NUAK1: variants seen among roughly 807,000 people sequenced by gnomAD.
NUAK1 encodes NUAK family SNF1-like kinase 1.
In NUAK1, 26 loss-of-function variants were observed where a neutral mutation model predicts 56.9. That is an observed-to-expected ratio of 0.46 (90% confidence interval 0.33 to 0.63). The LOEUF (loss-of-function observed/expected upper bound fraction) is 0.63. NUAK1 is among the 30% of genes least tolerant of loss of function. The probability of loss-of-function intolerance (pLI) is 0.02; values close to 1 mark genes in which losing one functional copy is unlikely to be tolerated. For missense variants in NUAK1, 727 were observed against 876.1 expected (o/e 0.83, Z 2.15); for synonymous variants, 337 against 336.0 (o/e 1.00, Z -0.03).
At chr12:106,083,838 A>G in intron 4 of NUAK1, 26 bp downstream of exon 4, 1 of 1,609,248 alleles carries the variant, frequency 6.2e-7, no homozygotes, top group South Asian at 1.1e-5. Context: ...GGCCCTGCAT[A>G]TCAATCGACG....
At chr12:106,108,464 C>T (rs779160592) in intron 1 of NUAK1, among the ~76,000 whole-genome samples, 8 of 152,074 alleles carry the variant, frequency 5.3e-5, no homozygotes, top group Non-Finnish European at 1.2e-4. Flanking sequence ...CAAGTCCTCA[C>T]CACAGCCCCA....
At chr12:106,122,848 G>A (rs2136480502) in intron 1 of NUAK1, among the ~76,000 whole-genome samples, 1 of 152,288 alleles carries the variant, frequency 6.6e-6, no homozygotes, top group Middle Eastern at 3.4e-3. Flanking sequence ...ATTTTAACAG[G>A]TGCACCTAGG....
chr12:106,078,735 G>C (rs2032486931), intron 4 of NUAK1, among the ~76,000 whole-genome samples: 1 of 152,170 alleles, frequency 6.6e-6, no homozygotes, highest in South Asian at 2.1e-4. Flanking sequence ...ATTCCCACCA[G>C]GAACAATGTG....
chr12:106,120,377 G>A (rs560776771), intron 1 of NUAK1, among the ~76,000 whole-genome samples: 15 of 152,304 alleles, frequency 9.8e-5, no homozygotes, highest in African/African-American at 3.6e-4. Flanking sequence ...CCAACATCCA[G>A]TATATGCTCC....
intron 4 of NUAK1, among the ~76,000 whole-genome samples, chr12:106,078,423 C>T (rs17038085): frequency 0.16 from 24,549 of 152,190 alleles, 2,520 homozygotes; most frequent in East Asian, 0.39. Flanking sequence ...CCTGAGACAT[C>T]GGTGAACAGC....
rs1264131986 is a variant in NUAK1, at chr12:106,064,768, T to G, written c.*2034A>C. On this transcript the variant is annotated 3_prime_UTR_variant, in exon 7 of 7. Coordinates refer to ENST00000261402, the MANE Select transcript of NUAK1 (RefSeq NM_014840.3). ...GAAGTAGGGAGCTCAGAGTTGCAGG[T>G]TGTCCTCCATGCACCCACACCCCCA... 1 of 151,408 alleles carries G rather than the reference T, an allele frequency of 6.6e-6. No individual in the cohort carries two copies. The highest frequency in any genetic ancestry group is 1.5e-5 in the Non-Finnish European group (1 of 67,940). The allele number at this position is 151,408 out of a possible 1,614,324, so 9.4% of individuals were successfully genotyped here.
intron 2 of NUAK1, among the ~76,000 whole-genome samples, chr12:106,087,231 A>C (rs912578343): frequency 6.6e-6 from 1 of 152,086 alleles, no homozygotes; most frequent in Non-Finnish European, 1.5e-5. Flanking sequence ...AACAAACACA[A>C]CCAATAATTT....
At chr12:106,083,950 G>A (rs766820578) in intron 3 of NUAK1, 21 bp from the exon 4 acceptor site, 1 of 1,609,918 alleles carries the variant, frequency 6.2e-7, no homozygotes, top group Non-Finnish European at 8.5e-7. Flanking sequence ...AAGACAAAGA[G>A]GGAATTGAAT....
intron 2 of NUAK1, among the ~76,000 whole-genome samples, chr12:106,092,035 C>CA (rs919079941): frequency 6.6e-6 from 1 of 151,624 alleles, no homozygotes; most frequent in African/African-American, 2.4e-5. Context: ...ATCTCTAAAA[C>CA]AAAAAATAAA....
rs567863434 is a variant in NUAK1 at position 106,126,772 on chromosome 12, G to T, written c.240+11642C>A. Among the ~76,000 whole-genome samples, 3 of 152,204 alleles carry T rather than the reference G, an allele frequency of 2.0e-5. No individual in the cohort carries two copies. The East Asian group carries it at 5.8e-4, about 29-fold the overall frequency. On this transcript the variant is annotated intron_variant, in intron 1 of 6. Coordinates refer to ENST00000261402, the MANE Select transcript of NUAK1 (RefSeq NM_014840.3). Reference sequence around the variant, plus strand: ...TGCCTCTAGCCTACCTGTCATCCAGGATCAAGAAGCCAAGCTCTCCTGGGT... The same window carrying T: ...TGCCTCTAGCCTACCTGTCATCCAGTATCAAGAAGCCAAGCTCTCCTGGGT...
At chr12:106,089,727 T>G (rs570386473) in intron 2 of NUAK1, among the ~76,000 whole-genome samples, 1 of 151,302 alleles carries the variant, frequency 6.6e-6, no homozygotes, top group African/African-American at 2.4e-5. Flanking sequence ...AGGTGGAGGT[T>G]GCAGTGAGCC....
At chr12:106,113,584 G>A (rs1456093360) in intron 1 of NUAK1, among the ~76,000 whole-genome samples, 2 of 151,534 alleles carry the variant, frequency 1.3e-5, no homozygotes, top group Non-Finnish European at 2.9e-5. Flanking sequence ...GCTGCACTCT[G>A]AGGTTTGAGA....
rs1463569133 is a variant in NUAK1 at position 106,067,969 on chromosome 12, G to T, written c.833-14C>A. 6.3e-7 allele frequency: 1 copy of T among 1,584,604 alleles called. No individual in the cohort carries two copies. The highest frequency in any genetic ancestry group is 1.2e-5 in the South Asian group (1 of 86,690). On this transcript the variant is annotated splice_polypyrimidine_tract_variant and intron_variant, in intron 6 of 6. Coordinates refer to ENST00000261402, the MANE Select transcript of NUAK1 (RefSeq NM_014840.3). The surrounding 1 kb of genome is among the most constrained non-coding windows in gnomAD (Gnocchi z 6.0). ...GTCCTCGAGCATCTAAGGGACAAGG[G>T]ACAAAAAGAATCGGGCATTATGTGG...
At chr12:106,114,237 A>G (rs79874122) in intron 1 of NUAK1, among the ~76,000 whole-genome samples, 3 of 152,336 alleles carry the variant, frequency 2.0e-5, no homozygotes, top group East Asian at 3.9e-4. Flanking sequence ...AGGTTGTGCA[A>G]CTTTTATTTA....
intron 2 of NUAK1, among the ~76,000 whole-genome samples, chr12:106,096,996 G>A (rs984932699): frequency 6.6e-6 from 1 of 152,098 alleles, no homozygotes; most frequent in African/African-American, 2.4e-5. Context: ...CCAATCTCCC[G>A]ACAGAAGTTT....
chr12:106,076,233 G>A (rs932256984), intron 4 of NUAK1, among the ~76,000 whole-genome samples: 2 of 152,208 alleles, frequency 1.3e-5, no homozygotes, highest in Non-Finnish European at 2.9e-5. Context: ...TGAAGCAGCT[G>A]AAGGTTCCAG....
chr12:106,103,678 C>T (rs1374957143), intron 2 of NUAK1, among the ~76,000 whole-genome samples: 1 of 152,156 alleles, frequency 6.6e-6, no homozygotes, highest in Non-Finnish European at 1.5e-5. Flanking sequence ...GGCTATCTCC[C>T]CACCCAAATC....
chr12:106,087,874 C>T (rs554594389), intron 2 of NUAK1, among the ~76,000 whole-genome samples: 1 of 152,348 alleles, frequency 6.6e-6, no homozygotes, highest in South Asian at 2.1e-4. Flanking sequence ...AGCAGGGCTC[C>T]AGTCCCCAGC....
intron 1 of NUAK1, among the ~76,000 whole-genome samples, chr12:106,119,127 G>A (rs1319136313): frequency 1.3e-5 from 2 of 152,206 alleles, no homozygotes; most frequent in African/African-American, 4.8e-5. Flanking sequence ...TGTCACTTGA[G>A]CAACATAGAT....
Sources: allele counts gnomAD v4.1 joint callset (sites outside exome capture counted in the v4.1 genomes callset), GRCh38; gene constraint gnomAD v4.1.1; non-coding constraint Gnocchi (gnomAD v3.1); transcripts MANE v1.5; gene names NCBI Gene and HGNC (gene_info 2026-07-23, HGNC 2026-07-21).